FGF12: variants seen among roughly 807,000 people sequenced by gnomAD.
FGF12 encodes fibroblast growth factor 12B.
In FGF12, 14 loss-of-function variants were observed where a neutral mutation model predicts 23.6. That is an observed-to-expected ratio of 0.59 (90% CI 0.39 to 0.93). FGF12 has a LOEUF of 0.93. Among genes scored for constraint, FGF12 ranks in the 40% least tolerant of loss-of-function variants. The probability of loss-of-function intolerance (pLI) is 0.00; values close to 1 mark genes in which losing one functional copy is unlikely to be tolerated. For missense variants in FGF12, 175 were observed against 217.8 expected (o/e 0.80, Z 1.24); for synonymous variants, 62 against 77.3 (o/e 0.80, Z 1.04).
chr3:192,232,075 A>G (rs1262637951), intron 4 of FGF12, among the ~76,000 whole-genome samples: 2 of 152,212 alleles, frequency 1.3e-5, no homozygotes, highest in Non-Finnish European at 2.9e-5. Context: ...GAATTCAGTA[A>G]TAAATCAAAT....
intron 4 of FGF12, among the ~76,000 whole-genome samples, chr3:192,213,273 T>C (rs756678867): frequency 6.6e-5 from 10 of 152,144 alleles, no homozygotes; most frequent in Non-Finnish European, 1.2e-4. Flanking sequence ...CCAATTCTTT[T>C]TTTTTTCCCT....
chr3:192,139,962 T>C lies in FGF12; in HGVS notation c.*4047A>G, dbSNP rs1560162600. 6.6e-6 allele frequency: 1 copy of C among 152,030 alleles called. No homozygotes were observed. Among genetic ancestry groups the C allele is most frequent in the East Asian group, 1.9e-4 (1 of 5,192 alleles). The allele number at this position is 152,030 out of a possible 1,614,324, so 9.4% of individuals were successfully genotyped here. ...AAGATAACTTTTTGTAACTAAAAAA[T>C]AATTTCCTGTGCATCACAAGGGGGA... On this transcript the variant is annotated 3_prime_UTR_variant, in exon 6 of 6. Transcript: ENST00000445105.
intron 2 of FGF12, among the ~76,000 whole-genome samples, chr3:192,440,080 G>A (rs529864645): frequency 6.6e-6 from 1 of 152,106 alleles, no homozygotes; most frequent in South Asian, 2.1e-4. Flanking sequence ...GAGGTACCCA[G>A]GTGAATACTT....
chr3:192,207,020 G>A (rs1717685381), intron 4 of FGF12, among the ~76,000 whole-genome samples: 1 of 152,092 alleles, frequency 6.6e-6, no homozygotes, highest in African/African-American at 2.4e-5. Flanking sequence ...AAGTCTTGAG[G>A]AGGAAAGATA....
chr3:192,194,781 C>CT (rs147756530), intron 4 of FGF12, among the ~76,000 whole-genome samples: 4 of 152,118 alleles, frequency 2.6e-5, no homozygotes, highest in African/African-American at 9.7e-5. Flanking sequence ...TAAATGTACG[C>CT]TTTTTTAGTA....
At chr3:192,591,022 G>A (rs1471248642) in intron 2 of FGF12, among the ~76,000 whole-genome samples, 1 of 151,064 alleles carries the variant, frequency 6.6e-6, no homozygotes, top group East Asian at 1.9e-4. Context: ...AAGGGGCCTT[G>A]CCTTCCTCAG....
intron 4 of FGF12, among the ~76,000 whole-genome samples, chr3:192,271,374 A>G (rs772155059): frequency 8.5e-5 from 13 of 152,206 alleles, no homozygotes; most frequent in Admixed American, 2.6e-4. Flanking sequence ...TGTCAACCAG[A>G]ACTATTGTGA....
At chr3:192,666,575 G>A (rs2108688716) in intron 2 of FGF12, among the ~76,000 whole-genome samples, 1 of 152,322 alleles carries the variant, frequency 6.6e-6, no homozygotes, top group African/African-American at 2.4e-5. Context: ...TAGTCTGGCT[G>A]TTGGACATAG....
At chr3:192,669,427 A>C (rs1322238607) in intron 2 of FGF12, among the ~76,000 whole-genome samples, 8 of 114,058 alleles carry the variant, frequency 7.0e-5, no homozygotes, top group Non-Finnish European at 1.1e-4. Context: ...CTCTACAGAA[A>C]ATACAAAAAT....
chr3:192,262,845 G>A (rs1712843576), intron 4 of FGF12, among the ~76,000 whole-genome samples: 1 of 151,426 alleles, frequency 6.6e-6, no homozygotes, highest in Admixed American at 6.6e-5. Flanking sequence ...CAAAAAAGTA[G>A]ATAAAAACCC....
At chr3:192,625,971 T>C (rs1439763892) in intron 2 of FGF12, among the ~76,000 whole-genome samples, 1 of 152,172 alleles carries the variant, frequency 6.6e-6, no homozygotes, top group East Asian at 1.9e-4. Flanking sequence ...ATAGATGATA[T>C]TAGAAAGATG....
chr3:192,634,690 C>A (rs920738883), intron 2 of FGF12, among the ~76,000 whole-genome samples: 1 of 151,924 alleles, frequency 6.6e-6, no homozygotes, highest in Non-Finnish European at 1.5e-5. Context: ...TACAATAAAT[C>A]ACTAATAAAT....
At chr3:192,293,253 G>A (rs1714858003) in intron 4 of FGF12, among the ~76,000 whole-genome samples, 1 of 151,862 alleles carries the variant, frequency 6.6e-6, no homozygotes, top group Non-Finnish European at 1.5e-5. Context: ...AAAAAAAATG[G>A]TGGAATTTAG....
intron 2 of FGF12, among the ~76,000 whole-genome samples, chr3:192,549,131 T>G (rs571342442): frequency 6.6e-6 from 1 of 152,316 alleles, no homozygotes; most frequent in African/African-American, 2.4e-5. Context: ...TTAAAAATGC[T>G]ATCAAAGCTG....
In FGF12 at chr3:192,139,869, T is replaced by G. The variant is rs1713273275; in HGVS notation, c.*4140A>C. The G allele has an allele frequency of 6.6e-6, 1 of 152,084 alleles. No individual in the cohort carries two copies. The highest frequency in any genetic ancestry group is 1.5e-5 in the Non-Finnish European group (1 of 67,946). 9.4% of individuals were successfully genotyped at this position (152,084 alleles called of 1,614,324 possible). A position where few individuals can be genotyped will look rare whatever the true frequency, so the allele number is the denominator to read the frequency against. ...TCAGCATCTAGCATCCTTTTCCTAT[T>G]CTTTCACCACAAATTCTCAATTTGA... On this transcript the variant is annotated 3_prime_UTR_variant, in exon 6 of 6. Coordinates refer to ENST00000445105, the MANE Select transcript of FGF12 (RefSeq NM_004113.6).
intron 2 of FGF12, among the ~76,000 whole-genome samples, chr3:192,479,523 G>GA (rs61623837): frequency 0.013 from 1,926 of 150,700 alleles, 44 homozygotes; most frequent in African/African-American, 0.044. Flanking sequence ...ATGATAAATG[G>GA]AAAAAAAAAG....
At chr3:192,228,462 CT>C (rs1466636877) in intron 4 of FGF12, among the ~76,000 whole-genome samples, 1 of 152,094 alleles carries the variant, frequency 6.6e-6, no homozygotes, top group Non-Finnish European at 1.5e-5. Flanking sequence ...TAACTTTGCT[CT>C]TACCACAACA....
intron 4 of FGF12, among the ~76,000 whole-genome samples, chr3:192,252,149 G>A (rs916239372): frequency 7.2e-5 from 11 of 151,864 alleles, no homozygotes; most frequent in South Asian, 2.1e-4. Context: ...TCTAGGATGC[G>A]AAATATTCAG....
intron 4 of FGF12, among the ~76,000 whole-genome samples, chr3:192,223,810 C>G (rs1202072580): frequency 6.6e-6 from 1 of 152,036 alleles, no homozygotes; most frequent in Non-Finnish European, 1.5e-5. Context: ...AAAATATTCA[C>G]TACTAAACAA....
Sources: gnomAD v4.1 joint callset for allele counts (sites outside exome capture counted in the v4.1 genomes callset) on GRCh38, gnomAD v4.1.1 for gene constraint, MANE v1.5 for transcripts, NCBI Gene and HGNC (gene_info 2026-07-23, HGNC 2026-07-21) for gene names.